The following GPBP1 variants were observed in gnomAD, a reference collection of about 807,000 sequenced individuals.
GPBP1 encodes vasculin.
Under a neutral mutation model 56.5 loss-of-function variants are expected in GPBP1, and 13 were observed. That is an observed-to-expected ratio of 0.23 (90% CI 0.15 to 0.37). The LOEUF (loss-of-function observed/expected upper bound fraction) is 0.37, where lower values mean the gene tolerates loss of function less well. GPBP1 is among the 10% of genes least tolerant of loss of function. The probability of loss-of-function intolerance (pLI) is 1.00; values close to 1 mark genes in which losing one functional copy is unlikely to be tolerated. For missense variants in GPBP1, 477 were observed against 572.3 expected, an observed-to-expected ratio of 0.83 and a Z score of 1.70; for synonymous variants, 204 against 188.9, an observed-to-expected ratio of 1.08 and a Z score of -0.66.
intron 2 of GPBP1, among the ~76,000 whole-genome samples, chr5:57,210,271 C>T (rs776688541): frequency 3.9e-5 from 6 of 151,938 alleles, no homozygotes; most frequent in African/African-American, 9.7e-5. Flanking sequence ...AGCTTTCTCC[C>T]GGGGAAATTT....
At chr5:57,227,679 A>G (rs1374972337) in intron 3 of GPBP1, among the ~76,000 whole-genome samples, 8 of 151,688 alleles carry the variant, frequency 5.3e-5, no homozygotes, top group Middle Eastern at 3.2e-3. Flanking sequence ...TCAATCCCCA[A>G]AGGTCTTAGG....
Position 57,186,778 on chromosome 5 carries a change from C to A in GPBP1, c.-58+10378C>A, listed in dbSNP as rs371803249. 2.0e-5 allele frequency among the ~76,000 whole-genome samples: 3 copies of A among 152,212 alleles called. No individual in the cohort carries two copies. The East Asian group carries it at 5.8e-4, about 29-fold the overall frequency. On this transcript the variant is annotated intron_variant, in intron 2 of 11. Transcript: ENST00000506184. ...TGGAAACAGAGTCTCACTGTGTTGC[C>A]CAGAGTGGTCTCAAATTACTGGACT...
chr5:57,257,683 A>C (rs887895392), intron 10 of GPBP1, among the ~76,000 whole-genome samples: 1 of 152,164 alleles, frequency 6.6e-6, no homozygotes, highest in Middle Eastern at 3.4e-3. Flanking sequence ...TTGAACTCCT[A>C]GCCTCAAGTA....
intron 2 of GPBP1, among the ~76,000 whole-genome samples, chr5:57,200,328 G>T (rs1445223006): frequency 1.0e-4 from 14 of 138,176 alleles, no homozygotes; most frequent in African/African-American, 3.7e-4. Flanking sequence ...ATAAAGCATT[G>T]TAGTTTTTGT....
In GPBP1 at chr5:57,231,176, G is replaced by T. The variant is rs1185173574; in HGVS notation, c.266G>T (p.Gly89Val). The change falls in exon 5 of 12, where the codon GGA (glycine) becomes GTA (valine). Residue 89 changes from glycine (G) to valine (V), a missense_variant. Transcript: ENST00000506184. The part of the protein sequence containing the change: ...NGTENINHRG[G>V]YHGGSSRSRS... ...ACAGAAAACATAAATCATCGAGGTG[G>T]ATACCATGGTGGAAGTTCCCGTTCT... The T allele has an allele frequency of 6.2e-7, 1 of 1,614,164 alleles. No homozygotes were observed. Among genetic ancestry groups the T allele is most frequent in the Admixed American group, 1.7e-5 (1 of 60,026 alleles).
At chr5:57,189,537 C>T (rs1230354602) in intron 2 of GPBP1, among the ~76,000 whole-genome samples, 4 of 145,766 alleles carry the variant, frequency 2.7e-5, no homozygotes, top group Admixed American at 1.4e-4. Context: ...GGATTACAGG[C>T]CTGAGCCACT....
chr5:57,227,394 G>C (rs780820634), intron 3 of GPBP1, among the ~76,000 whole-genome samples: 1 of 151,882 alleles, frequency 6.6e-6, no homozygotes, highest in Non-Finnish European at 1.5e-5. Flanking sequence ...GAGTTTCACT[G>C]TATTGACCAG....
intron 2 of GPBP1, among the ~76,000 whole-genome samples, chr5:57,181,593 T>TA (rs1030835570): frequency 4.9e-5 from 7 of 143,158 alleles, no homozygotes; most frequent in African/African-American, 1.6e-4. Context: ...AGGGAACATT[T>TA]AAAAAAAAGG....
intron 10 of GPBP1, among the ~76,000 whole-genome samples, chr5:57,253,064 T>TA (rs145468928): frequency 2.0e-5 from 3 of 152,194 alleles, no homozygotes; most frequent in Non-Finnish European, 4.4e-5. Flanking sequence ...TAAAGCGTTT[T>TA]AAAAAATAGT....
intron 1 of GPBP1, among the ~76,000 whole-genome samples, chr5:57,175,081 G>T (rs1753740128): frequency 6.6e-6 from 1 of 152,212 alleles, no homozygotes; most frequent in Non-Finnish European, 1.5e-5. Context: ...TTGGTCCATC[G>T]AAGAGGGTTG....
chr5:57,194,851 A>G (rs571127831), intron 2 of GPBP1, among the ~76,000 whole-genome samples: 3 of 152,280 alleles, frequency 2.0e-5, no homozygotes, highest in East Asian at 1.9e-4. Flanking sequence ...TTATGACTGA[A>G]TAATATTCCA....
At position 57,214,066 on chromosome 5, in the gene GPBP1, T is replaced by C; in HGVS notation, c.-57-8T>C. 7.4e-7 allele frequency: 1 copy of C among 1,346,688 alleles called. No homozygotes were observed. The highest frequency in any genetic ancestry group is 1.2e-5 in the South Asian group (1 of 84,114). The allele number at this position is 1,346,688 out of a possible 1,614,324, so 83.4% of individuals were successfully genotyped here. ...GCAGGTCTAATTCCTTCCATTTTTATGTGACAGGGACTTGCCATGAGGTGT... is the reference window on the plus strand; with the variant it reads ...GCAGGTCTAATTCCTTCCATTTTTACGTGACAGGGACTTGCCATGAGGTGT... On this transcript the variant is annotated splice_polypyrimidine_tract_variant and splice_region_variant and intron_variant, in intron 2 of 11. Coordinates refer to ENST00000506184, the MANE Select transcript of GPBP1 (RefSeq NM_022913.4).
intron 2 of GPBP1, among the ~76,000 whole-genome samples, chr5:57,206,628 C>G (rs1330498844): frequency 6.6e-6 from 1 of 152,152 alleles, no homozygotes; most frequent in Non-Finnish European, 1.5e-5. Context: ...CCTGCCTTGG[C>G]CTCCCAAAGT....
intron 6 of GPBP1, among the ~76,000 whole-genome samples, chr5:57,236,318 T>G (rs1335995439): frequency 1.3e-5 from 2 of 152,208 alleles, no homozygotes; most frequent in African/African-American, 4.8e-5. Context: ...GATACCATTT[T>G]GAGAGCAGCT....
chr5:57,218,618 A>C (rs1186242367), intron 3 of GPBP1, among the ~76,000 whole-genome samples: 1 of 152,088 alleles, frequency 6.6e-6, no homozygotes, highest in Non-Finnish European at 1.5e-5. Flanking sequence ...CCCTGTGCTG[A>C]GACTGTTGGG....
intron 3 of GPBP1, 105 bp from the exon 4 acceptor site, chr5:57,230,741 C>G: frequency 2.1e-6 from 2 of 950,754 alleles, no homozygotes; most frequent in Non-Finnish European, 3.3e-6. Context: ...ATATGTTTTT[C>G]TTAATCATTT....
At chr5:57,258,798 A>G (rs2111972535) in intron 10 of GPBP1, among the ~76,000 whole-genome samples, 1 of 152,332 alleles carries the variant, frequency 6.6e-6, no homozygotes, top group East Asian at 1.9e-4. Context: ...TTTGAAAGCT[A>G]TTTCAGGAAC....
intron 2 of GPBP1, among the ~76,000 whole-genome samples, chr5:57,186,079 G>A (rs1754273878): frequency 6.6e-6 from 1 of 152,044 alleles, no homozygotes; most frequent in African/African-American, 2.4e-5. Flanking sequence ...TCTTGATACA[G>A]TGTCTTTTGA....
intron 2 of GPBP1, among the ~76,000 whole-genome samples, chr5:57,203,786 C>T (rs1309992965): frequency 6.6e-6 from 1 of 152,146 alleles, no homozygotes; most frequent in Non-Finnish European, 1.5e-5. Flanking sequence ...ACCTAGATTT[C>T]TTAAAAATTT....
Sources: gnomAD v4.1 joint callset for allele counts (sites outside exome capture counted in the v4.1 genomes callset) on GRCh38, gnomAD v4.1.1 for gene constraint, MANE v1.5 for transcripts, NCBI Gene and HGNC (gene_info 2026-07-23, HGNC 2026-07-21) for gene names.